FBRSL1: variants seen among roughly 807,000 people sequenced by gnomAD.
FBRSL1 encodes the protein fibrosin like 1.
FBRSL1 carries 51 observed loss-of-function variants against 89.6 expected under a neutral mutation model. The ratio of observed to expected loss-of-function variants is 0.57; its 90% CI spans 0.45 to 0.72. FBRSL1 has a LOEUF of 0.72. Among genes scored for constraint, FBRSL1 ranks in the 30% least tolerant of loss-of-function variants. FBRSL1 has a pLI of 0.00. For missense variants in FBRSL1, 1,618 were observed against 1,451.8 expected (o/e 1.11, Z -1.86); for synonymous variants, 779 against 681.1 (o/e 1.14, Z -2.24).
Position 132,572,604 on chromosome 12 carries a change from G to A in FBRSL1, c.1512G>A (p.Gln504=). The change falls in exon 11 of 19, where the codon CAG becomes CAA. Residue 504 remains glutamine (Q), a synonymous_variant. Coordinates refer to ENST00000680143, the MANE Select transcript of FBRSL1 (RefSeq NM_001367871.1). ...ACCCCGGCCCCTTCGGGTCCCTGCAGGGCGCTTTTCAGCCTAAGGTACCGC... is the reference window on the plus strand; with the variant it reads ...ACCCCGGCCCCTTCGGGTCCCTGCAAGGCGCTTTTCAGCCTAAGGTACCGC... The part of the protein sequence containing the change: ...LPHPGPFGSL[Q]GAFQPKTSSP... 2 of 1,550,760 alleles carry A rather than the reference G, an allele frequency of 1.3e-6. No homozygotes were observed. Among genetic ancestry groups the A allele is most frequent in the South Asian group, 1.2e-5 (1 of 84,060 alleles).
At chr12:132,580,666 C>A in intron 15 of FBRSL1, 2 of 536,740 alleles carry the variant, frequency 3.7e-6, no homozygotes, top group Non-Finnish European at 4.8e-6. Context: ...CAGTGGAGAC[C>A]AGAAGCTCTG....
At chr12:132,549,400 A>C (rs2037963782) in intron 5 of FBRSL1, among the ~76,000 whole-genome samples, 1 of 152,124 alleles carries the variant, frequency 6.6e-6, no homozygotes, top group South Asian at 2.1e-4. Context: ...GCCCCTGCCC[A>C]CAGCTTCCGC....
chr12:132,577,181 G>C (rs1324134806), intron 15 of FBRSL1, among the ~76,000 whole-genome samples: 1 of 151,712 alleles, frequency 6.6e-6, no homozygotes, highest in Non-Finnish European at 1.5e-5. Context: ...CCTGGGCCTG[G>C]GGCTGCTGCT....
chr12:132,530,994 T>TTGG (rs796511853), intron 4 of FBRSL1, among the ~76,000 whole-genome samples: 8 of 86,626 alleles, frequency 9.2e-5, no homozygotes, highest in Non-Finnish European at 1.4e-4. Flanking sequence ...GTGTCCAGTG[T>TTGG]GGGGGGGGGG....
chr12:132,557,731 A>G (rs2038795461), intron 5 of FBRSL1, among the ~76,000 whole-genome samples: 1 of 152,118 alleles, frequency 6.6e-6, no homozygotes, highest in Non-Finnish European at 1.5e-5. Context: ...CTGCCCCTCA[A>G]TTCCTTCTTC....
intron 5 of FBRSL1, chr12:132,550,704 C>G (rs2038087339): frequency 6.5e-6 from 1 of 152,800 alleles, no homozygotes; most frequent in Non-Finnish European, 1.5e-5. Context: ...GAGAGGAGCC[C>G]AGAGCCGGCA....
intron 6 of FBRSL1, among the ~76,000 whole-genome samples, chr12:132,568,606 G>A (rs1235108949): frequency 6.6e-6 from 1 of 152,268 alleles, no homozygotes; most frequent in Non-Finnish European, 1.5e-5. Context: ...AGGAGGCCCC[G>A]CACGTGGGGT....
intron 2 of FBRSL1, among the ~76,000 whole-genome samples, chr12:132,515,899 C>CCAAAA (rs2034796252): frequency 1.5e-5 from 1 of 65,640 alleles, no homozygotes; most frequent in South Asian, 6.0e-4. Flanking sequence ...GACTCCGTCT[C>CCAAAA]AAAAAAAAAA....
rs993270365 is a variant in FBRSL1 at position 132,499,325 on chromosome 12, C to T, written c.291+8464C>T. Reference sequence around the variant, plus strand: ...CCAGCCAGGCAGGGGTGGTGCTGGGCAGCAGTGGTGCTGGACCTCTGGGAG... The same window carrying T: ...CCAGCCAGGCAGGGGTGGTGCTGGGTAGCAGTGGTGCTGGACCTCTGGGAG... On this transcript the variant is annotated intron_variant, in intron 1 of 18. Transcript: ENST00000680143. The surrounding 1 kb of genome is among the most constrained non-coding windows in gnomAD (Gnocchi z 4.3). Among the ~76,000 whole-genome samples, 1 of 151,840 alleles carries T rather than the reference C, an allele frequency of 6.6e-6. No homozygotes were observed. Among genetic ancestry groups the T allele is most frequent in the Non-Finnish European group, 1.5e-5 (1 of 67,890 alleles).
At chr12:132,578,933 C>T (rs1193345007) in intron 15 of FBRSL1, among the ~76,000 whole-genome samples, 1 of 152,248 alleles carries the variant, frequency 6.6e-6, no homozygotes, top group Non-Finnish European at 1.5e-5. Flanking sequence ...AGCAGAAGTC[C>T]AGGCTGCAGT....
intron 9 of FBRSL1, chr12:132,572,030 C>T (rs2040054384): frequency 3.6e-6 from 2 of 556,246 alleles, no homozygotes; most frequent in Non-Finnish European, 6.4e-6. Context: ...CAGCCAGGCA[C>T]ACAGACTGCC....
At chr12:132,553,356 G>A (rs993766147) in intron 5 of FBRSL1, 2 of 152,260 alleles carry the variant, frequency 1.3e-5, no homozygotes, top group Non-Finnish European at 2.9e-5. Flanking sequence ...GAAGGGCCTT[G>A]AGAGGGCTGG....
chr12:132,513,315 G>A (rs2034537886), intron 2 of FBRSL1, among the ~76,000 whole-genome samples: 1 of 152,172 alleles, frequency 6.6e-6, no homozygotes, highest in African/African-American at 2.4e-5. Context: ...GGAAGGGGTT[G>A]GTACTCAGTG....
At chr12:132,577,755 GC>G (rs2040471403) in intron 15 of FBRSL1, among the ~76,000 whole-genome samples, 1 of 152,236 alleles carries the variant, frequency 6.6e-6, no homozygotes, top group Non-Finnish European at 1.5e-5. Context: ...CCTGGCACAG[GC>G]CCCCAGGAGG....
rs1397309796 is a variant in FBRSL1 at position 132,583,924 on chromosome 12, G to C, written c.*146G>C. On this transcript the variant is annotated 3_prime_UTR_variant, in exon 19 of 19. Coordinates refer to ENST00000680143, the MANE Select transcript of FBRSL1 (RefSeq NM_001367871.1). ...CTGCGGAGGCGGGGACTTGGGTGTC[G>C]GCTTTTCTGAGGGTGATCTTTTGTT... 2 of 330,796 alleles carry C rather than the reference G, an allele frequency of 6.0e-6. No individual in the cohort carries two copies. Among genetic ancestry groups the C allele is most frequent in the East Asian group, 5.2e-5 (1 of 19,132 alleles). 20.5% of individuals were successfully genotyped at this position (330,796 alleles called of 1,614,324 possible). A position where few individuals can be genotyped will look rare whatever the true frequency, so the allele number is the denominator to read the frequency against.
chr12:132,555,861 G>A (rs1383148876), intron 5 of FBRSL1, among the ~76,000 whole-genome samples: 1 of 152,170 alleles, frequency 6.6e-6, no homozygotes, highest in Admixed American at 6.5e-5. Context: ...CTTGGGGCCT[G>A]CAGGCGGCCC....
chr12:132,515,995 A>G (rs1593306523), intron 2 of FBRSL1, among the ~76,000 whole-genome samples: 1 of 152,090 alleles, frequency 6.6e-6, no homozygotes, highest in African/African-American at 2.4e-5. Flanking sequence ...AGAAATCCCT[A>G]GCTAGATCAA....
At chr12:132,549,670 C>A (rs541413959) in intron 5 of FBRSL1, among the ~76,000 whole-genome samples, 32 of 152,350 alleles carry the variant, frequency 2.1e-4, no homozygotes, top group Admixed American at 1.2e-3. Context: ...TGAGGCAAAG[C>A]CACCTGTGGC....
rs1566145779 is a variant in FBRSL1, at chr12:132,527,636, A to AGGGCTGCGGGGCTGCGGGGCAGGGTTGT, written c.580-302_580-275dup. Among the ~76,000 whole-genome samples, 62 of 83,898 alleles carry AGGGCTGCGGGGCTGCGGGGCAGGGTTGT rather than the reference A, an allele frequency of 7.4e-4. No individual in the cohort carries two copies. The East Asian group carries it at 8.6e-3, about 12-fold the overall frequency. The allele number at this position is 83,898 out of a possible 152,430, so 55.0% of individuals were successfully genotyped here. ...GCTGCGGGGCTGCGGGGCAGGGTTG[A>AGGGCTGCGGGGCTGCGGGGCAGGGTTGT]GGGCTGCGGGGCTGCGGGGCAGGGT... On this transcript the variant is annotated intron_variant, in intron 3 of 18. Coordinates refer to ENST00000680143, the MANE Select transcript of FBRSL1 (RefSeq NM_001367871.1).
Sources: allele counts gnomAD v4.1 joint callset (sites outside exome capture counted in the v4.1 genomes callset), GRCh38; gene constraint gnomAD v4.1.1; non-coding constraint Gnocchi (gnomAD v3.1); transcripts MANE v1.5; gene names NCBI Gene and HGNC (gene_info 2026-07-23, HGNC 2026-07-21).